ADAMTSL3: variants seen among roughly 807,000 people sequenced by gnomAD.
The protein encoded by ADAMTSL3 is ADAMTS like 3.
In ADAMTSL3, 128 loss-of-function variants were observed where a neutral mutation model predicts 201.7. The observed-to-expected ratio is 0.63, with a 90% CI of 0.55 to 0.73. The LOEUF is 0.73. ADAMTSL3 is among the 30% of genes least tolerant of loss of function. The probability of loss-of-function intolerance (pLI) is 0.00; values close to 1 mark genes in which losing one functional copy is unlikely to be tolerated. For synonymous variants in ADAMTSL3, 738 were observed against 748.4 expected (o/e 0.99, Z 0.23); for missense variants, 1,990 against 2,119.6 (o/e 0.94, Z 1.20).
chr15:83,991,460 A>G (rs1212552458), intron 23 of ADAMTSL3, among the ~76,000 whole-genome samples: 1 of 152,250 alleles, frequency 6.6e-6, no homozygotes, highest in African/African-American at 2.4e-5. Context: ...TGTGACTGCC[A>G]TGCACACTGG....
chr15:83,893,961 A>G lies in ADAMTSL3; in HGVS notation c.1467+1073A>G, dbSNP rs192030868. 3.8e-3 allele frequency among the ~76,000 whole-genome samples: 581 copies of G among 152,308 alleles called. 4 individuals carry two copies. Among genetic ancestry groups the G allele is most frequent in the African/African-American group, 0.013 (550 of 41,570 alleles). Reference sequence around the variant, plus strand: ...TATGTGCATTAATATATCTATTCATATATTTATTCAATGGGTCAGCTACCA... The same window carrying G: ...TATGTGCATTAATATATCTATTCATGTATTTATTCAATGGGTCAGCTACCA... On this transcript the variant is annotated intron_variant, in intron 13 of 29. Coordinates refer to ENST00000286744, the MANE Select transcript of ADAMTSL3 (RefSeq NM_207517.3).
intron 3 of ADAMTSL3, among the ~76,000 whole-genome samples, chr15:83,747,818 G>C (rs769444751): frequency 2.0e-5 from 3 of 151,572 alleles, no homozygotes; most frequent in Admixed American, 6.6e-5. Context: ...AGTTTTGCTT[G>C]GCTGTTTAAG....
intron 9 of ADAMTSL3, among the ~76,000 whole-genome samples, chr15:83,884,393 G>A (rs556349160): frequency 1.6e-5 from 2 of 128,444 alleles, no homozygotes; most frequent in African/African-American, 3.1e-5. Context: ...TCCCACCTCA[G>A]CCTCCTGAGT....
intron 3 of ADAMTSL3, among the ~76,000 whole-genome samples, chr15:83,764,696 G>T (rs952735167): frequency 1.3e-5 from 2 of 152,028 alleles, no homozygotes; most frequent in African/African-American, 2.4e-5. Context: ...ACAGAATCTG[G>T]CTGGCACCAG....
chr15:83,773,498 T>C, intron 3 of ADAMTSL3, 25 bp from the exon 4 acceptor site: 1 of 1,609,282 alleles, frequency 6.2e-7, no homozygotes, highest in Non-Finnish European at 8.5e-7. Context: ...GTTTTTTTTT[T>C]GTTTGTTTGC....
At chr15:83,787,981 ATAT>A (rs2063290922) in intron 4 of ADAMTSL3, among the ~76,000 whole-genome samples, 2 of 152,278 alleles carry the variant, frequency 1.3e-5, no homozygotes, top group East Asian at 1.9e-4. Flanking sequence ...TTATGAAGGT[ATAT>A]TATTATTATA....
intron 2 of ADAMTSL3, among the ~76,000 whole-genome samples, chr15:83,690,828 G>A (rs565573632): frequency 4.6e-5 from 7 of 152,254 alleles, no homozygotes; most frequent in Non-Finnish European, 7.4e-5. Flanking sequence ...TACAACAATC[G>A]TAATATCATA....
chr15:83,848,916 A>T (rs550534597), intron 7 of ADAMTSL3, among the ~76,000 whole-genome samples: 4 of 152,188 alleles, frequency 2.6e-5, no homozygotes, highest in Non-Finnish European at 4.4e-5. Flanking sequence ...TTGAACACTC[A>T]TAACAACCCC....
chr15:83,829,622 G>C (rs983980515), intron 6 of ADAMTSL3, among the ~76,000 whole-genome samples: 9 of 152,094 alleles, frequency 5.9e-5, no homozygotes, highest in Non-Finnish European at 1.0e-4. Context: ...TGATGTTAGG[G>C]TATCAATTTT....
chr15:83,832,019 G>A (rs997853037), intron 6 of ADAMTSL3, among the ~76,000 whole-genome samples: 2 of 152,158 alleles, frequency 1.3e-5, no homozygotes, highest in African/African-American at 4.8e-5. Context: ...AAAGGAGACA[G>A]ATTGCTCGTG....
intron 2 of ADAMTSL3, among the ~76,000 whole-genome samples, chr15:83,672,524 G>GC (rs2061341779): frequency 6.6e-6 from 1 of 152,182 alleles, no homozygotes; most frequent in South Asian, 2.1e-4. Flanking sequence ...GCAGAAAGAA[G>GC]CCAGCCTGAA....
At chr15:83,755,675 T>A (rs73437223) in intron 3 of ADAMTSL3, among the ~76,000 whole-genome samples, 1 of 152,208 alleles carries the variant, frequency 6.6e-6, no homozygotes, top group Admixed American at 6.5e-5. Context: ...CAGTGGACAT[T>A]TGGGTTGTCT....
intron 17 of ADAMTSL3, among the ~76,000 whole-genome samples, chr15:83,932,639 A>G (rs1020454195): frequency 6.6e-6 from 1 of 152,226 alleles, no homozygotes; most frequent in Non-Finnish European, 1.5e-5. Flanking sequence ...AAGAGCTACA[A>G]GTAGCCCTTT....
At chr15:83,753,722 A>C (rs919245235) in intron 3 of ADAMTSL3, among the ~76,000 whole-genome samples, 1 of 151,842 alleles carries the variant, frequency 6.6e-6, no homozygotes, top group African/African-American at 2.4e-5. Flanking sequence ...TGCTTTGATT[A>C]TGGTTTGGGG....
At chr15:83,852,705 C>T (rs538162525) in intron 7 of ADAMTSL3, among the ~76,000 whole-genome samples, 1 of 152,256 alleles carries the variant, frequency 6.6e-6, no homozygotes, top group East Asian at 1.9e-4. Context: ...ATTAAGAAAA[C>T]AGTCTTTGCC....
intron 6 of ADAMTSL3, chr15:83,825,089 T>C (rs1009479092): frequency 6.6e-6 from 1 of 151,790 alleles, no homozygotes; most frequent in Non-Finnish European, 1.5e-5. Flanking sequence ...CTTTGGTTGC[T>C]TTCTACTTTT....
intron 24 of ADAMTSL3, among the ~76,000 whole-genome samples, chr15:84,016,181 G>A (rs557180311): frequency 6.6e-6 from 1 of 152,208 alleles, no homozygotes; most frequent in South Asian, 2.1e-4. Context: ...CTAGCACAGT[G>A]AGTAACTCTA....
At chr15:83,678,298 C>A (rs1478896970) in intron 2 of ADAMTSL3, among the ~76,000 whole-genome samples, 1 of 152,016 alleles carries the variant, frequency 6.6e-6, no homozygotes, top group Non-Finnish European at 1.5e-5. Context: ...CTTTTTGGAA[C>A]ACTTCTTTTA....
At chr15:83,833,734 A>T (rs533409180) in intron 6 of ADAMTSL3, among the ~76,000 whole-genome samples, 20 of 152,344 alleles carry the variant, frequency 1.3e-4, no homozygotes, top group African/African-American at 4.8e-4. Context: ...TAGATGGCTT[A>T]GTACGGGGAT....
Sources: gnomAD v4.1 joint callset for allele counts (sites outside exome capture counted in the v4.1 genomes callset) on GRCh38, gnomAD v4.1.1 for gene constraint, MANE v1.5 for transcripts, NCBI Gene and HGNC (gene_info 2026-07-23, HGNC 2026-07-21) for gene names.